Variants in VPS41 observed in about 807,000 individuals in gnomAD.
The protein encoded by VPS41 is VPS41 subunit of HOPS complex, also known as vacuolar protein sorting-associated protein 41 homolog.
In VPS41, 85 loss-of-function variants were observed where a neutral mutation model predicts 130.9. The ratio of observed to expected loss-of-function variants is 0.65; its 90% CI spans 0.55 to 0.78. The LOEUF (loss-of-function observed/expected upper bound fraction) is 0.78. Ranked by LOEUF, VPS41 falls within the 30% of genes least tolerant of loss-of-function variation. VPS41 has a pLI of 0.00. For missense variants in VPS41, 874 were observed against 1,018.7 expected (o/e 0.86, Z 1.93); for synonymous variants, 335 against 332.9 (o/e 1.01, Z -0.07).
chr7:38,858,700 G>A (rs933004268), intron 4 of VPS41, among the ~76,000 whole-genome samples: 21 of 152,122 alleles, frequency 1.4e-4, no homozygotes, highest in African/African-American at 4.8e-4. Context: ...TGTTACTCAC[G>A]TGTCTGTGAT....
At position 38,765,634 on chromosome 7, in the gene VPS41, AT is replaced by A; in HGVS notation, c.1274del (p.Asn425MetfsTer32). 6.2e-7 allele frequency: 1 copy of A among 1,604,322 alleles called. No individual in the cohort carries two copies. The highest frequency in any genetic ancestry group is 1.7e-5 in the Admixed American group (1 of 57,676). On this transcript the variant is annotated frameshift_variant, in exon 16 of 29. Coordinates refer to ENST00000310301, the MANE Select transcript of VPS41 (RefSeq NM_014396.4). LOFTEE classifies it high-confidence loss of function. The part of the protein sequence containing the change: ...ARKCQKILGK[N>X]AALWEYEVYK... ...AAACTTCATATTCCCAGAGTGCTGC[AT>A]TTTTCCCAAGAATTTTCTGGCATTT...
intron 1 of VPS41, among the ~76,000 whole-genome samples, chr7:38,901,345 G>A (rs2116450950): frequency 6.6e-6 from 1 of 152,286 alleles, no homozygotes; most frequent in African/African-American, 2.4e-5. Flanking sequence ...AATTTATAAA[G>A]AAAAGAGCGT....
At chr7:38,770,453 G>A (rs1432629070) in intron 14 of VPS41, among the ~76,000 whole-genome samples, 1 of 150,466 alleles carries the variant, frequency 6.6e-6, no homozygotes, top group African/African-American at 2.5e-5. Flanking sequence ...AGATGCTCTG[G>A]TTTTCTATTC....
intron 10 of VPS41, among the ~76,000 whole-genome samples, chr7:38,784,603 A>G (rs1385922851): frequency 6.8e-6 from 1 of 148,134 alleles, no homozygotes; most frequent in Non-Finnish European, 1.5e-5. Flanking sequence ...CCACTGCACT[A>G]AAGCCTGGGC....
At chr7:38,896,808 G>A (rs1412764292) in intron 2 of VPS41, among the ~76,000 whole-genome samples, 1 of 152,168 alleles carries the variant, frequency 6.6e-6, no homozygotes, top group African/African-American at 2.4e-5. Context: ...GGTTATCACA[G>A]ATACATTTTC....
At chr7:38,800,432 T>C (rs994181694) in intron 7 of VPS41, among the ~76,000 whole-genome samples, 1 of 152,250 alleles carries the variant, frequency 6.6e-6, no homozygotes. Flanking sequence ...ACTAAATATA[T>C]GAATTTTTTA....
Position 38,795,488 on chromosome 7 carries a change from T to C in VPS41, c.694A>G (p.Ile232Val), listed in dbSNP as rs371042465. 4.3e-5 allele frequency: 69 copies of C among 1,612,158 alleles called. No homozygotes were observed. Among genetic ancestry groups the C allele is most frequent in the Non-Finnish European group, 5.5e-5 (65 of 1,179,086 alleles). Residue 232 changes from isoleucine to valine, a missense_variant, in exon 9 of 29, where the codon ATT becomes GTT. By Grantham distance (29) the Ile-to-Val change is conservative (BLOSUM62 3). Transcript: ENST00000310301. ...ACCTTGACAGAAGTCCCCCAGCCAATAATCAGTGTCACATTGTCCTTCCAG... is the reference window on the plus strand; with the variant it reads ...ACCTTGACAGAAGTCCCCCAGCCAACAATCAGTGTCACATTGTCCTTCCAG... ...LCWKDNVTLI[I>V]GWGTSVKVCS...
intron 2 of VPS41, among the ~76,000 whole-genome samples, chr7:38,876,468 T>C (rs865865300): frequency 2.6e-4 from 39 of 152,288 alleles, no homozygotes; most frequent in African/African-American, 8.9e-4. Context: ...TTTCTTCCTC[T>C]GTAGAATGGG....
At chr7:38,775,627 CTAT>C (rs764145066) in intron 11 of VPS41, 10 of 152,020 alleles carry the variant, frequency 6.6e-5, no homozygotes, top group Admixed American at 2.6e-4. Flanking sequence ...GAAGCCAACC[CTAT>C]TGATTTTAGT....
intron 4 of VPS41, 47 bp from the exon 5 acceptor site, chr7:38,830,375 A>G (rs1785362385): frequency 9.2e-7 from 1 of 1,088,826 alleles, no homozygotes; most frequent in Admixed American, 1.7e-5. Flanking sequence ...AGGAAAATAT[A>G]TATCAACAAT....
intron 19 of VPS41, among the ~76,000 whole-genome samples, chr7:38,755,194 A>G (rs1783765700): frequency 6.6e-6 from 1 of 150,620 alleles, no homozygotes; most frequent in African/African-American, 2.5e-5. Flanking sequence ...CAAATACAAA[A>G]CATCTTGACT....
At chr7:38,763,052 A>C (rs546683487) in intron 17 of VPS41, among the ~76,000 whole-genome samples, 3 of 152,348 alleles carry the variant, frequency 2.0e-5, no homozygotes, top group African/African-American at 7.2e-5. Flanking sequence ...TACTTTAAAA[A>C]TAGGAAAATT....
rs890374085 is a variant in VPS41, at chr7:38,743,448, A to G, written c.2076T>C (p.Asp692=). 8.1e-6 allele frequency: 13 copies of G among 1,613,998 alleles called. No individual in the cohort carries two copies. The East Asian group carries it at 2.9e-4, about 36-fold the overall frequency. ...AAATCAAATCTTCCCACAGCTCTCCATCATCTTGCTCCTTGGCAAATTCGA... is the reference window on the plus strand; with the variant it reads ...AAATCAAATCTTCCCACAGCTCTCCGTCATCTTGCTCCTTGGCAAATTCGA... The part of the protein sequence containing the change: ...KAIEFAKEQD[D]GELWEDLILY... The change falls in exon 24 of 29, where the codon GAT becomes GAC. Residue 692 remains aspartate (D), a synonymous_variant. Transcript: ENST00000310301.
chr7:38,727,601 T>C (rs373562978), intron 27 of VPS41, among the ~76,000 whole-genome samples: 21 of 152,208 alleles, frequency 1.4e-4, no homozygotes, highest in African/African-American at 5.1e-4. Context: ...TGAAATGCTA[T>C]GGAAGCTCAC....
At position 38,797,243 on chromosome 7, in the gene VPS41, GT is replaced by G. The variant is rs1370706427; in HGVS notation, c.451-380del. The stretch of plus-strand genomic sequence containing the variant: ...ATTGGGAAATCAAAACCTCTTTTAA[GT>G]TTTTCACTGAAAATAAGATATTAGT... On this transcript the variant is annotated intron_variant, in intron 7 of 28. Transcript: ENST00000310301. Among the ~76,000 whole-genome samples, 6 of 152,272 alleles carry G rather than the reference GT, an allele frequency of 3.9e-5. No individual in the cohort carries two copies. In the East Asian group the frequency reaches 1.2e-3, roughly 29 times the overall value.
intron 24 of VPS41, 110 bp from the exon 25 acceptor site, chr7:38,742,231 A>T: frequency 9.6e-7 from 1 of 1,045,192 alleles, no homozygotes; most frequent in South Asian, 1.8e-5. Flanking sequence ...ACTCAAAGAA[A>T]AAATTATTTC....
intron 25 of VPS41, among the ~76,000 whole-genome samples, chr7:38,737,552 T>C (rs1795793515): frequency 1.3e-5 from 2 of 152,194 alleles, no homozygotes; most frequent in South Asian, 4.1e-4. Flanking sequence ...CTTGGAATCC[T>C]GGCTCTACTG....
chr7:38,850,516 A>G, intron 4 of VPS41, among the ~76,000 whole-genome samples: 1 of 152,228 alleles, frequency 6.6e-6, no homozygotes, highest in East Asian at 1.9e-4. Flanking sequence ...AAACGAGTGT[A>G]CAAGCAAATG....
chr7:38,827,030 G>A (rs906845185), intron 5 of VPS41, among the ~76,000 whole-genome samples: 1 of 152,102 alleles, frequency 6.6e-6, no homozygotes, highest in Non-Finnish European at 1.5e-5. Context: ...GTGTTAGTCA[G>A]GATGGTCTCG....
Sources: allele counts gnomAD v4.1 joint callset (sites outside exome capture counted in the v4.1 genomes callset), GRCh38; gene constraint gnomAD v4.1.1; transcripts MANE v1.5; gene names NCBI Gene and HGNC (gene_info 2026-07-23, HGNC 2026-07-21).